The following PAX5 variants were observed in gnomAD, a reference collection of about 807,000 sequenced individuals.
The protein encoded by PAX5 is paired box protein Pax-5.
PAX5 carries 9 observed loss-of-function variants against 43.7 expected under a neutral mutation model. The observed-to-expected ratio is 0.21, with a 90% CI of 0.12 to 0.36. The LOEUF (loss-of-function observed/expected upper bound fraction) is 0.36, where lower values mean the gene tolerates loss of function less well. Ranked by LOEUF, PAX5 falls within the 10% of genes least tolerant of loss-of-function variation. PAX5 has a pLI of 1.00. For missense variants in PAX5, 383 were observed against 532.7 expected (o/e 0.72, Z 2.77); for synonymous variants, 228 against 214.3 (o/e 1.06, Z -0.56).
At chr9:36,949,124 C>T (rs1384603727) in intron 6 of PAX5, among the ~76,000 whole-genome samples, 1 of 152,146 alleles carries the variant, frequency 6.6e-6, no homozygotes, top group Non-Finnish European at 1.5e-5. Flanking sequence ...TGCAGTGGCA[C>T]AATCTCGGCT....
intron 5 of PAX5, among the ~76,000 whole-genome samples, chr9:36,971,504 C>T (rs1834923120): frequency 6.6e-6 from 1 of 152,212 alleles, no homozygotes; most frequent in Non-Finnish European, 1.5e-5. Context: ...TACAGAAATG[C>T]TCAGACCCAT....
At chr9:36,906,425 G>T (rs1401212454) in intron 7 of PAX5, among the ~76,000 whole-genome samples, 1 of 152,162 alleles carries the variant, frequency 6.6e-6, no homozygotes, top group Non-Finnish European at 1.5e-5. Flanking sequence ...GGAGGAAGGG[G>T]CCATGAGCCA....
intron 7 of PAX5, among the ~76,000 whole-genome samples, chr9:36,916,546 G>A (rs1354646628): frequency 6.6e-6 from 1 of 151,964 alleles, no homozygotes; most frequent in Non-Finnish European, 1.5e-5. Context: ...ATGATATTTA[G>A]TTTTTTATCC....
chr9:36,959,555 C>A (rs1833777132), intron 6 of PAX5, among the ~76,000 whole-genome samples: 1 of 152,192 alleles, frequency 6.6e-6, no homozygotes, highest in African/African-American at 2.4e-5. Flanking sequence ...TGAGCACAGC[C>A]CCACGAGGAG....
At chr9:36,976,624 A>C (rs765753023) in intron 5 of PAX5, among the ~76,000 whole-genome samples, 3 of 106,546 alleles carry the variant, frequency 2.8e-5, no homozygotes, top group Non-Finnish European at 6.2e-5. Flanking sequence ...ACTAAGAAAA[A>C]TCAAGGTGGC....
At chr9:36,845,273 G>C (rs1027831837) in intron 9 of PAX5, among the ~76,000 whole-genome samples, 1 of 152,142 alleles carries the variant, frequency 6.6e-6, no homozygotes, top group African/African-American at 2.4e-5. Context: ...CCAGGTTTGG[G>C]CCTCAAGACT....
intron 6 of PAX5, among the ~76,000 whole-genome samples, chr9:36,933,121 G>T (rs1002759876): frequency 6.7e-6 from 1 of 148,706 alleles, no homozygotes; most frequent in Admixed American, 6.7e-5. Context: ...TCCAGCCTGG[G>T]TGACAGAGGG....
At chr9:36,915,806 T>G (rs1829689397) in intron 7 of PAX5, among the ~76,000 whole-genome samples, 1 of 152,218 alleles carries the variant, frequency 6.6e-6, no homozygotes, top group Middle Eastern at 3.2e-3. Context: ...GCACAGTTGC[T>G]CACTTCTGTA....
chr9:36,898,453 T>C (rs1169535328), intron 7 of PAX5, among the ~76,000 whole-genome samples: 1 of 152,176 alleles, frequency 6.6e-6, no homozygotes, highest in African/African-American at 2.4e-5. Flanking sequence ...TTCTTCCCTC[T>C]GGTCTCCGGG....
At chr9:36,864,832 GCCGGA>G (rs1281167328) in intron 8 of PAX5, among the ~76,000 whole-genome samples, 1 of 152,178 alleles carries the variant, frequency 6.6e-6, no homozygotes, top group African/African-American at 2.4e-5. Context: ...GTGGGCCGGC[GCCGGA>G]GCCGGGCTGT....
intron 8 of PAX5, among the ~76,000 whole-genome samples, chr9:36,850,554 G>A (rs112751726): frequency 6.6e-6 from 1 of 152,318 alleles, no homozygotes; most frequent in African/African-American, 2.4e-5. Flanking sequence ...CCCAGCACAA[G>A]GGACACCACG....
chr9:36,860,286 A>ACTCCTGCACTCC (rs1824086193), intron 8 of PAX5, among the ~76,000 whole-genome samples: 2 of 151,510 alleles, frequency 1.3e-5, no homozygotes, highest in Admixed American at 1.3e-4. Flanking sequence ...GCAGTGAGCC[A>ACTCCTGCACTCC]AGATTGCACC....
At chr9:36,902,709 C>T (rs1214214646) in intron 7 of PAX5, among the ~76,000 whole-genome samples, 1 of 152,234 alleles carries the variant, frequency 6.6e-6, no homozygotes, top group Non-Finnish European at 1.5e-5. Flanking sequence ...CCATCAGCCT[C>T]ATTAGCACAA....
chr9:36,855,119 T>A (rs953407025), intron 8 of PAX5, among the ~76,000 whole-genome samples: 7 of 152,220 alleles, frequency 4.6e-5, no homozygotes, highest in African/African-American at 1.7e-4. Context: ...GGAAACAAAC[T>A]CCACTGCGGC....
chr9:36,983,857 A>G (rs115865905), intron 5 of PAX5, among the ~76,000 whole-genome samples: 5 of 152,200 alleles, frequency 3.3e-5, no homozygotes, highest in Non-Finnish European at 7.3e-5. Context: ...ATTAGGGACT[A>G]TCTTCCTAAT....
chr9:36,838,454 G>A lies in PAX5; in HGVS notation c.*2106C>T, dbSNP rs1209460495. On this transcript the variant is annotated 3_prime_UTR_variant, in exon 10 of 10. Transcript: ENST00000358127. ...CTGCTTGAGGACTCCACCTTGCTGAGCCTTAGTTTTCTCTTCTGTTCCACC... is the reference window on the plus strand; with the variant it reads ...CTGCTTGAGGACTCCACCTTGCTGAACCTTAGTTTTCTCTTCTGTTCCACC... The A allele has an allele frequency of 1.3e-5, 3 of 232,578 alleles. No individual in the cohort carries two copies. In the Admixed American group the frequency reaches 1.7e-4, roughly 13 times the overall value. The allele number at this position is 232,578 out of a possible 1,614,324, so 14.4% of individuals were successfully genotyped here.
chr9:36,906,209 CT>C (rs574428916), intron 7 of PAX5, among the ~76,000 whole-genome samples: 1 of 152,182 alleles, frequency 6.6e-6, no homozygotes, highest in African/African-American at 2.4e-5. Context: ...ACTATGTGAC[CT>C]TACATGGCAA....
intron 5 of PAX5, among the ~76,000 whole-genome samples, chr9:36,992,546 G>GCT (rs1837036637): frequency 6.6e-6 from 1 of 152,198 alleles, no homozygotes; most frequent in African/African-American, 2.4e-5. Context: ...AGGGGAGAAG[G>GCT]CTCGGTAGCT....
intron 6 of PAX5, among the ~76,000 whole-genome samples, chr9:36,939,188 C>T (rs1831813794): frequency 6.6e-6 from 1 of 152,204 alleles, no homozygotes; most frequent in South Asian, 2.1e-4. Flanking sequence ...AGTTGCCCCA[C>T]CACCCTTTCT....
Sources: allele counts gnomAD v4.1 joint callset (sites outside exome capture counted in the v4.1 genomes callset), GRCh38; gene constraint gnomAD v4.1.1; transcripts MANE v1.5; gene names NCBI Gene and HGNC (gene_info 2026-07-23, HGNC 2026-07-21).